FAM167A: variants seen among roughly 807,000 people sequenced by gnomAD.
The protein encoded by FAM167A is family with sequence similarity 167 member A.
FAM167A carries 23 observed loss-of-function variants against 14.9 expected under a neutral mutation model. The observed-to-expected ratio is 1.55, with a 90% CI of 1.11 to 2.19. The LOEUF is 2.19. Ranked by LOEUF, FAM167A falls within the 30% of genes most tolerant of loss-of-function variation. The probability of loss-of-function intolerance (pLI) is 0.00; values close to 1 mark genes in which losing one functional copy is unlikely to be tolerated. For missense variants in FAM167A, 401 were observed against 281.5 expected (o/e 1.42, Z -3.04); for synonymous variants, 174 against 117.7 (o/e 1.48, Z -3.10).
At chr8:11,463,846 A>G (rs1807639205) in intron 1 of FAM167A, among the ~76,000 whole-genome samples, 1 of 152,124 alleles carries the variant, frequency 6.6e-6, no homozygotes, top group African/African-American at 2.4e-5. Flanking sequence ...CACCCGAGGG[A>G]CCTTCTGGAA....
At position 11,424,135 on chromosome 8, in the gene FAM167A, G is replaced by A; in HGVS notation, c.*238C>T. 1.9e-6 allele frequency: 1 copy of A among 536,866 alleles called. No individual in the cohort carries two copies. The highest frequency in any genetic ancestry group is 3.3e-6 in the Non-Finnish European group (1 of 301,128). 33.3% of individuals were successfully genotyped at this position (536,866 alleles called of 1,614,324 possible). A position where few individuals can be genotyped will look rare whatever the true frequency, so the allele number is the denominator to read the frequency against. On this transcript the variant is annotated 3_prime_UTR_variant, in exon 3 of 3. Transcript: ENST00000284486. Reference sequence around the variant, plus strand: ...CTCCTTTAACATCTTGGTTGGAGCGGCCCTTCTGCAGAGCTCTTTGGGTAG... The same window carrying A: ...CTCCTTTAACATCTTGGTTGGAGCGACCCTTCTGCAGAGCTCTTTGGGTAG...
At chr8:11,427,650 GTTCT>G (rs1201343920) in intron 2 of FAM167A, among the ~76,000 whole-genome samples, 2 of 152,156 alleles carry the variant, frequency 1.3e-5, no homozygotes, top group African/African-American at 2.4e-5. Context: ...GCATCTCAAT[GTTCT>G]TTTTTTCCTC....
chr8:11,471,719 T>C (rs1200493303), upstream of FAM167A, among the ~76,000 whole-genome samples: 3 of 152,206 alleles, frequency 2.0e-5, no homozygotes, highest in Non-Finnish European at 4.4e-5. Flanking sequence ...CCAGGCAAGA[T>C]GGCCGGGGGT....
intron 1 of FAM167A, among the ~76,000 whole-genome samples, chr8:11,454,631 C>T (rs1271372047): frequency 2.0e-5 from 3 of 152,234 alleles, no homozygotes. Flanking sequence ...CTCATGCCTG[C>T]ATCTTTTCCT....
chr8:11,463,162 G>A (rs936266721), intron 1 of FAM167A, among the ~76,000 whole-genome samples: 2 of 152,214 alleles, frequency 1.3e-5, no homozygotes, highest in African/African-American at 4.8e-5. Context: ...TTGATAATGA[G>A]GCTGGCTTCA....
rs532798647 is a variant in FAM167A, at chr8:11,439,689, G to A, written c.381+4342C>T. 3.9e-5 allele frequency among the ~76,000 whole-genome samples: 6 copies of A among 152,330 alleles called. No individual in the cohort carries two copies. In the East Asian group the frequency reaches 9.6e-4, roughly 24 times the overall value. On this transcript the variant is annotated intron_variant, in intron 2 of 2. Coordinates refer to ENST00000284486, the MANE Select transcript of FAM167A (RefSeq NM_053279.3). The stretch of plus-strand genomic sequence containing the variant: ...AACTAGAAGAAAAATATCAGTGGGT[G>A]CCCAGGGCTTCTCACTACAAACTGC...
chr8:11,466,930 C>A (rs1807799319), upstream of FAM167A, among the ~76,000 whole-genome samples: 2 of 152,214 alleles, frequency 1.3e-5, no homozygotes, highest in Non-Finnish European at 2.9e-5. Context: ...CCGGCCCGGG[C>A]AGCCCCCGCG....
At chr8:11,424,996 G>A (rs1805035465) in intron 2 of FAM167A, among the ~76,000 whole-genome samples, 1 of 152,194 alleles carries the variant, frequency 6.6e-6, no homozygotes, top group African/African-American at 2.4e-5. Flanking sequence ...AATTCAGGAG[G>A]ATGGTTGCCT....
intron 2 of FAM167A, among the ~76,000 whole-genome samples, chr8:11,432,815 A>T (rs1805705992): frequency 6.6e-6 from 1 of 152,242 alleles, no homozygotes; most frequent in Admixed American, 6.5e-5. Context: ...AACCAACCCA[A>T]ATGTCAATCA....
intron 1 of FAM167A, among the ~76,000 whole-genome samples, chr8:11,447,590 G>T (rs1296141703): frequency 6.6e-6 from 1 of 152,164 alleles, no homozygotes; most frequent in East Asian, 1.9e-4. Flanking sequence ...GAGGCAGGCG[G>T]GATCACCCCA....
chr8:11,445,566 A>G, intron 1 of FAM167A: 1 of 985,562 alleles, frequency 1.0e-6, no homozygotes, highest in Non-Finnish European at 1.2e-6. Context: ...CCCGCATGGC[A>G]GCACCTGTTT....
chr8:11,466,320 G>A (rs144314031), intron 1 of FAM167A, among the ~76,000 whole-genome samples: 1 of 152,220 alleles, frequency 6.6e-6, no homozygotes, highest in South Asian at 2.1e-4. Flanking sequence ...CCTCTCAGAC[G>A]GCAGACCCCG....
At chr8:11,445,593 A>G (rs572976533) in intron 1 of FAM167A, 6 of 985,544 alleles carry the variant, frequency 6.1e-6, no homozygotes, top group East Asian at 1.1e-4. Context: ...GACTTCAGCT[A>G]TGGGATCTGA....
At chr8:11,424,685 C>A in intron 2 of FAM167A, 49 bp from the exon 3 acceptor site, 1 of 1,600,640 alleles carries the variant, frequency 6.2e-7, no homozygotes, top group Non-Finnish European at 8.5e-7. Context: ...GGCTCGAGTC[C>A]CTGACAGGCA....
chr8:11,431,408 G>C lies in FAM167A; in HGVS notation c.382-6772C>G, dbSNP rs533964775. ...TGGGGAGAGGGGATGGGGAGTTAGC[G>C]TTTAGTGAGCACAGAGTTTCCATTT... On this transcript the variant is annotated intron_variant, in intron 2 of 2. Transcript: ENST00000284486. Among the ~76,000 whole-genome samples, 20 of 152,354 alleles carry C rather than the reference G, an allele frequency of 1.3e-4. 1 individual carries two copies. Among genetic ancestry groups the C allele is most frequent in the Admixed American group, 9.8e-4 (15 of 15,310 alleles).
chr8:11,428,810 G>C (rs1402612993), intron 2 of FAM167A, among the ~76,000 whole-genome samples: 1 of 152,160 alleles, frequency 6.6e-6, no homozygotes, highest in African/African-American at 2.4e-5. Context: ...AGGTGACTTT[G>C]CACCTTAAAC....
chr8:11,435,931 C>T (rs1805974568), intron 2 of FAM167A, among the ~76,000 whole-genome samples: 1 of 152,218 alleles, frequency 6.6e-6, no homozygotes, highest in Non-Finnish European at 1.5e-5. Context: ...TACACAGAAC[C>T]ACAGAGCAAA....
chr8:11,472,970 C>G (rs1808005796), intron 1 of FAM167A, among the ~76,000 whole-genome samples: 1 of 152,156 alleles, frequency 6.6e-6, no homozygotes, highest in Non-Finnish European at 1.5e-5. Flanking sequence ...AAGAAACAGG[C>G]TGGTTTTGAG....
In FAM167A at chr8:11,450,836, G is replaced by A. The variant is rs987334481; in HGVS notation, c.-397-6028C>T. Among the ~76,000 whole-genome samples, 6 of 152,156 alleles carry A rather than the reference G, an allele frequency of 3.9e-5. No homozygotes were observed. The South Asian group carries it at 6.2e-4, about 16-fold the overall frequency. ...ATGGTGCCTCCCCTCCTGTCCCCAC[G>A]GATGCCACCCACCCTGCCTGCCCTG... On this transcript the variant is annotated intron_variant, in intron 1 of 2. Transcript: ENST00000284486.
Sources: gnomAD v4.1 joint callset for allele counts (sites outside exome capture counted in the v4.1 genomes callset) on GRCh38, gnomAD v4.1.1 for gene constraint, MANE v1.5 for transcripts, NCBI Gene and HGNC (gene_info 2026-07-23, HGNC 2026-07-21) for gene names.